Variants in FAM20B observed in about 807,000 individuals in gnomAD.
FAM20B encodes the protein FAM20B glycosaminoglycan xylosylkinase, also known as glycosaminoglycan xylosylkinase.
Under a neutral mutation model 43.8 loss-of-function variants are expected in FAM20B, and 23 were observed. The observed-to-expected ratio is 0.53, with a 90% CI of 0.38 to 0.74. The LOEUF (loss-of-function observed/expected upper bound fraction) is 0.74, where lower values mean the gene tolerates loss of function less well. Ranked by LOEUF, FAM20B falls within the 30% of genes least tolerant of loss-of-function variation. The pLI is 0.00. For missense variants in FAM20B, 440 were observed against 510.5 expected (o/e 0.86, Z 1.33); for synonymous variants, 178 against 192.4 (o/e 0.93, Z 0.62).
chr1:179,051,744 TCAAA>T (rs1343013756), intron 3 of FAM20B, among the ~76,000 whole-genome samples: 1 of 152,148 alleles, frequency 6.6e-6, no homozygotes, highest in Non-Finnish European at 1.5e-5. Context: ...CGTCCTGGGT[TCAAA>T]CAGTTATCCT....
intron 1 of FAM20B, among the ~76,000 whole-genome samples, chr1:179,033,265 T>G (rs751429100): frequency 6.6e-6 from 1 of 152,230 alleles, no homozygotes; most frequent in Non-Finnish European, 1.5e-5. Flanking sequence ...GGCTCTGAAG[T>G]ATGCAAGTGG....
At chr1:179,018,283 T>G in the FAM20B span, among the ~76,000 whole-genome samples, 5 of 152,144 alleles carry the variant, frequency 3.3e-5, no homozygotes, top group Non-Finnish European at 5.9e-5. Context: ...TAAACAAACC[T>G]CAGTATAACC....
chr1:179,054,000 A>G (rs548806429), intron 3 of FAM20B, among the ~76,000 whole-genome samples: 3 of 151,770 alleles, frequency 2.0e-5, no homozygotes, highest in Admixed American at 2.0e-4. Context: ...AGGAAATTTC[A>G]TTTTTTTAAA....
chr1:179,075,762 T>C lies in FAM20B; in HGVS notation c.*3618T>C, dbSNP rs1652104279. 1.3e-5 allele frequency: 2 copies of C among 152,150 alleles called. No homozygotes were observed. The highest frequency in any genetic ancestry group is 3.9e-4 in the East Asian group (2 of 5,154). 9.4% of individuals were successfully genotyped at this position (152,150 alleles called of 1,614,324 possible). ...GCATTATCTTCCAAAGAAATCGATC[T>C]TTTTTTTCTAAAAAAAAAAAATGCT... On this transcript the variant is annotated 3_prime_UTR_variant, in exon 8 of 8. Transcript: ENST00000263733.
At chr1:179,018,435 T>C in the FAM20B span, among the ~76,000 whole-genome samples, 1 of 151,970 alleles carries the variant, frequency 6.6e-6, no homozygotes, top group Non-Finnish European at 1.5e-5. Flanking sequence ...GCCTCCCGAG[T>C]AGCTGGGATT....
chr1:179,047,334 A>G (rs1226736113), intron 2 of FAM20B, among the ~76,000 whole-genome samples: 1 of 152,076 alleles, frequency 6.6e-6, no homozygotes. Context: ...TCCCCAGAAG[A>G]CTTATTATCA....
At chr1:179,018,808 G>C in the FAM20B span, among the ~76,000 whole-genome samples, 1 of 152,106 alleles carries the variant, frequency 6.6e-6, no homozygotes, top group Admixed American at 6.5e-5. Context: ...TCTAGAAAGG[G>C]ACTTATGAGA....
chr1:179,052,144 A>C (rs2102508023), intron 3 of FAM20B, among the ~76,000 whole-genome samples: 1 of 152,344 alleles, frequency 6.6e-6, no homozygotes, highest in Middle Eastern at 3.4e-3. Flanking sequence ...CTTGAATCTA[A>C]TGTAATCTGA....
rs1033784546 is a variant in FAM20B, at chr1:179,075,200, A to G, written c.*3056A>G. 4 of 152,092 alleles carry G rather than the reference A, an allele frequency of 2.6e-5. No homozygotes were observed. Among genetic ancestry groups the G allele is most frequent in the Admixed American group, 6.5e-5 (1 of 15,268 alleles). 9.4% of individuals were successfully genotyped at this position (152,092 alleles called of 1,614,324 possible). A position where few individuals can be genotyped will look rare whatever the true frequency, so the allele number is the denominator to read the frequency against. Reference sequence around the variant, plus strand: ...GAGCGAGACTCTGTCTTAAAAAAAAAAAAAGGAGGTGAATTTTTTTTTAAG... The same window carrying G: ...GAGCGAGACTCTGTCTTAAAAAAAAGAAAAGGAGGTGAATTTTTTTTTAAG... On this transcript the variant is annotated 3_prime_UTR_variant, in exon 8 of 8. Transcript: ENST00000263733.
chr1:179,040,348 G>T (rs539706764), intron 1 of FAM20B, among the ~76,000 whole-genome samples: 1 of 150,116 alleles, frequency 6.7e-6, no homozygotes, highest in Non-Finnish European at 1.5e-5. Context: ...CGGGGTGGCC[G>T]GCCGGGCGGG....
chr1:179,041,802 T>G (rs375458741), intron 1 of FAM20B, among the ~76,000 whole-genome samples: 1 of 151,438 alleles, frequency 6.6e-6, no homozygotes, highest in African/African-American at 2.4e-5. Context: ...TAGGAATTGT[T>G]GTCTTACCAG....
intron 2 of FAM20B, among the ~76,000 whole-genome samples, chr1:179,046,397 T>A (rs1470694913): frequency 6.6e-6 from 1 of 152,254 alleles, no homozygotes; most frequent in Non-Finnish European, 1.5e-5. Context: ...ACGCCTGTAA[T>A]CCCAGCACTT....
chr1:179,022,490 T>G (rs1290510022), upstream of FAM20B, among the ~76,000 whole-genome samples: 2 of 152,220 alleles, frequency 1.3e-5, no homozygotes, highest in African/African-American at 4.8e-5. Flanking sequence ...ATATATATTT[T>G]GCCTTCGTGT....
chr1:179,026,777 G>C (rs1380454271), intron 1 of FAM20B, among the ~76,000 whole-genome samples: 3 of 152,238 alleles, frequency 2.0e-5, no homozygotes, highest in Non-Finnish European at 4.4e-5. Flanking sequence ...AGAGCGGACC[G>C]ATACGTTTCC....
chr1:179,057,346 A>C lies in FAM20B; in HGVS notation c.574+2708A>C, dbSNP rs777202084. ...GGTCGACAGAGTGAGACTCCATCTCAAAAAAAAAAAAATATTTTCTTCAAA... is the reference window on the plus strand; with the variant it reads ...GGTCGACAGAGTGAGACTCCATCTCCAAAAAAAAAAAATATTTTCTTCAAA... On this transcript the variant is annotated intron_variant, in intron 4 of 7. Transcript: ENST00000263733. 3.9e-4 allele frequency among the ~76,000 whole-genome samples: 59 copies of C among 150,900 alleles called. 1 individual carries two copies. Among genetic ancestry groups the C allele is most frequent in the Non-Finnish European group, 3.4e-4 (23 of 67,526 alleles).
rs760508330 is a variant in FAM20B, at chr1:179,054,605, A to G, written c.541A>G (p.Thr181Ala). Residue 181 changes from threonine to alanine, a missense_variant, in exon 4 of 8, where the codon ACA (threonine) becomes GCA (alanine). By Grantham distance (58) the Thr-to-Ala change is moderately conservative. Coordinates refer to ENST00000263733, the MANE Select transcript of FAM20B (RefSeq NM_014864.4). ...TCGGACAGAGATCAAACCTGTCGCC[A>G]CAGAGCAGCTGTTGAGCACCTTCCT... ...NLRTEIKPVA[T>A]EQLLSTFLTV... 1 of 1,612,744 alleles carries G rather than the reference A, an allele frequency of 6.2e-7. No homozygotes were observed. The highest frequency in any genetic ancestry group is 1.1e-5 in the South Asian group (1 of 90,998).
At chr1:179,024,555 G>A (rs1044450026), upstream of FAM20B, among the ~76,000 whole-genome samples, 11 of 152,148 alleles carry the variant, frequency 7.2e-5, no homozygotes, top group African/African-American at 2.7e-4. Context: ...CAAGAATTAT[G>A]TATTCTCCGG....
At chr1:179,041,718 CGGGAGACGGGCCGGGAGA>C (rs949506710) in intron 1 of FAM20B, among the ~76,000 whole-genome samples, 3 of 127,106 alleles carry the variant, frequency 2.4e-5, no homozygotes, top group African/African-American at 1.1e-4. Flanking sequence ...AGACAGGAGA[CGGGAGACGGGCCGGGAGA>C]GGGAGACGGG....
At chr1:179,056,376 A>G (rs1651221280) in intron 4 of FAM20B, among the ~76,000 whole-genome samples, 2 of 152,320 alleles carry the variant, frequency 1.3e-5, no homozygotes, top group Non-Finnish European at 2.9e-5. Flanking sequence ...AGAATGTTAC[A>G]TAGTTGAATC....
Sources: gnomAD v4.1 joint callset for allele counts (sites outside exome capture counted in the v4.1 genomes callset) on GRCh38, gnomAD v4.1.1 for gene constraint, MANE v1.5 for transcripts, NCBI Gene and HGNC (gene_info 2026-07-23, HGNC 2026-07-21) for gene names.